The following PAN3 variants were observed in gnomAD, a reference collection of about 807,000 sequenced individuals.
The protein encoded by PAN3 is PAN2-PAN3 deadenylation complex subunit PAN3.
In PAN3, 19 loss-of-function variants were observed where a neutral mutation model predicts 96.2. That is an observed-to-expected ratio of 0.20 (90% CI 0.14 to 0.29). The LOEUF is 0.29. PAN3 is among the 10% of genes least tolerant of loss of function. PAN3 has a pLI of 1.00. For synonymous variants in PAN3, 433 were observed against 406.6 expected (o/e 1.06, Z -0.78); for missense variants, 882 against 1,108.1 (o/e 0.80, Z 2.90).
intron 4 of PAN3, among the ~76,000 whole-genome samples, chr13:28,185,233 A>G (rs1038744535): frequency 1.3e-5 from 2 of 152,066 alleles, no homozygotes; most frequent in African/African-American, 4.8e-5. Flanking sequence ...GGTTATCTCC[A>G]GTCTCAGTCT....
At chr13:28,200,340 C>T (rs1878549872) in intron 5 of PAN3, among the ~76,000 whole-genome samples, 1 of 152,168 alleles carries the variant, frequency 6.6e-6, no homozygotes, top group South Asian at 2.1e-4. Flanking sequence ...ACTTTTCTTT[C>T]TGGAACTTTA....
At chr13:28,180,404 T>A (rs1312552999) in intron 4 of PAN3, among the ~76,000 whole-genome samples, 1 of 152,232 alleles carries the variant, frequency 6.6e-6, no homozygotes, top group Non-Finnish European at 1.5e-5. Flanking sequence ...GCATATATTT[T>A]AAAATTGTTA....
intron 1 of PAN3, among the ~76,000 whole-genome samples, chr13:28,165,491 C>G (rs1873423852): frequency 6.6e-6 from 1 of 151,840 alleles, no homozygotes; most frequent in South Asian, 2.1e-4. Flanking sequence ...CCCACGTGTA[C>G]CATTTACTAG....
At chr13:28,177,579 ACT>A (rs2138117902) in intron 3 of PAN3, among the ~76,000 whole-genome samples, 1 of 151,852 alleles carries the variant, frequency 6.6e-6, no homozygotes, top group Admixed American at 6.6e-5. Flanking sequence ...TCATAAACAC[ACT>A]CACAATAGTA....
At chr13:28,204,578 A>G (rs1479836682) in intron 5 of PAN3, among the ~76,000 whole-genome samples, 2 of 152,228 alleles carry the variant, frequency 1.3e-5, no homozygotes, top group East Asian at 1.9e-4. Flanking sequence ...TGGGGCAGTG[A>G]CACTTGGTCT....
At chr13:28,162,020 A>G (rs1044133921) in intron 1 of PAN3, among the ~76,000 whole-genome samples, 1 of 152,244 alleles carries the variant, frequency 6.6e-6, no homozygotes, top group South Asian at 2.1e-4. Context: ...TACAAAGAGC[A>G]TATTAGTGTT....
intron 5 of PAN3, among the ~76,000 whole-genome samples, chr13:28,211,611 CA>C (rs1880042999): frequency 6.6e-6 from 1 of 151,960 alleles, no homozygotes; most frequent in Non-Finnish European, 1.5e-5. Context: ...TTAATCTAAC[CA>C]AAAAGAGTTG....
At chr13:28,198,997 A>C (rs1566179789) in intron 5 of PAN3, among the ~76,000 whole-genome samples, 1 of 152,252 alleles carries the variant, frequency 6.6e-6, no homozygotes, top group Non-Finnish European at 1.5e-5. Context: ...AAGAAAAGAC[A>C]GGGGTTTCAT....
intron 4 of PAN3, among the ~76,000 whole-genome samples, chr13:28,192,796 G>A (rs1432079557): frequency 6.6e-6 from 1 of 151,694 alleles, no homozygotes; most frequent in Admixed American, 6.6e-5. Flanking sequence ...TTTTCTTCAG[G>A]GATTAATTAG....
chr13:28,180,498 T>G (rs1875633248), intron 4 of PAN3, among the ~76,000 whole-genome samples: 1 of 152,160 alleles, frequency 6.6e-6, no homozygotes, highest in Admixed American at 6.5e-5. Flanking sequence ...ATATTACACA[T>G]AGTGAATTAA....
chr13:28,225,751 G>GA (rs1011896234), intron 6 of PAN3, among the ~76,000 whole-genome samples: 10 of 150,802 alleles, frequency 6.6e-5, no homozygotes, highest in Non-Finnish European at 7.4e-5. Flanking sequence ...TGCTGAATGG[G>GA]AAAAAAAAAC....
intron 6 of PAN3, among the ~76,000 whole-genome samples, chr13:28,221,725 T>C (rs547578111): frequency 6.6e-6 from 1 of 152,342 alleles, no homozygotes; most frequent in African/African-American, 2.4e-5. Flanking sequence ...TTGGTTTTTT[T>C]CCAGGTTCAG....
intron 1 of PAN3, among the ~76,000 whole-genome samples, chr13:28,171,298 CT>C (rs1274973520): frequency 6.6e-6 from 1 of 152,268 alleles, no homozygotes; most frequent in African/African-American, 2.4e-5. Context: ...TCACACAACA[CT>C]TTTGACACCA....
chr13:28,194,623 A>G (rs187503501), intron 4 of PAN3, among the ~76,000 whole-genome samples: 1 of 151,792 alleles, frequency 6.6e-6, no homozygotes, highest in East Asian at 1.9e-4. Context: ...GCACACTGCT[A>G]CACACGGCTA....
At chr13:28,159,882 T>C (rs1872688850) in intron 1 of PAN3, among the ~76,000 whole-genome samples, 1 of 152,076 alleles carries the variant, frequency 6.6e-6, no homozygotes, top group African/African-American at 2.4e-5. Context: ...AATTTACCCA[T>C]GTAGCAAACC....
At chr13:28,226,644 A>G (rs1007415581) in intron 6 of PAN3, among the ~76,000 whole-genome samples, 7 of 152,148 alleles carry the variant, frequency 4.6e-5, no homozygotes, top group African/African-American at 1.7e-4. Flanking sequence ...AGTACAGTGA[A>G]TTTTAATTAA....
At chr13:28,230,996 G>A (rs45518132) in intron 6 of PAN3, among the ~76,000 whole-genome samples, 5,518 of 152,230 alleles carry the variant, frequency 0.036, 304 homozygotes, top group African/African-American at 0.13. Flanking sequence ...CCATTGTAGA[G>A]TCTAGGGAGA....
At chr13:28,183,951 G>A (rs1221952746) in intron 4 of PAN3, among the ~76,000 whole-genome samples, 1 of 152,098 alleles carries the variant, frequency 6.6e-6, no homozygotes, top group Non-Finnish European at 1.5e-5. Flanking sequence ...GTTAACTGTT[G>A]TTAATTAAGT....
intron 5 of PAN3, chr13:28,215,372 A>T (rs757205096): frequency 1.3e-6 from 1 of 751,526 alleles, no homozygotes; most frequent in Non-Finnish European, 2.5e-6. Context: ...TCAACGTTAC[A>T]ACTGAAGTCT....
Sources: allele counts gnomAD v4.1 joint callset (sites outside exome capture counted in the v4.1 genomes callset), GRCh38; gene constraint gnomAD v4.1.1; transcripts MANE v1.5; gene names NCBI Gene and HGNC (gene_info 2026-07-23, HGNC 2026-07-21).